WDR72: variants seen among roughly 807,000 people sequenced by gnomAD.
The protein encoded by WDR72 is WD repeat-containing protein 72.
Under a neutral mutation model 124.2 loss-of-function variants are expected in WDR72, and 120 were observed. The ratio of observed to expected loss-of-function variants is 0.97; its 90% CI spans 0.83 to 1.12. The LOEUF (loss-of-function observed/expected upper bound fraction) is 1.12. Among genes scored for constraint, WDR72 ranks in the 50% most tolerant of loss-of-function variants. The pLI, the probability that WDR72 is intolerant of heterozygous loss-of-function variation, is 0.00. For missense variants in WDR72, 1,387 were observed against 1,278.8 expected (o/e 1.08, Z -1.29); for synonymous variants, 452 against 441.7 (o/e 1.02, Z -0.29).
At chr15:53,626,385 G>A (rs563695023) in intron 14 of WDR72, among the ~76,000 whole-genome samples, 29 of 152,296 alleles carry the variant, frequency 1.9e-4, no homozygotes, top group Admixed American at 4.6e-4. Context: ...GAGCAGCAAC[G>A]GGCACCTTGC....
At chr15:53,571,314 GAATTT>G (rs1281274656) in intron 18 of WDR72, among the ~76,000 whole-genome samples, 1 of 150,486 alleles carries the variant, frequency 6.6e-6, no homozygotes, top group African/African-American at 2.5e-5. Context: ...AACATACTTT[GAATTT>G]ATTTCTCTTA....
intron 2 of WDR72, among the ~76,000 whole-genome samples, chr15:53,725,710 T>C (rs1448030039): frequency 2.6e-5 from 4 of 152,134 alleles, no homozygotes; most frequent in East Asian, 1.9e-4. Flanking sequence ...CTGTAAAGGT[T>C]TTATGATTCC....
chr15:53,598,415 A>C (rs1247524075), intron 17 of WDR72, among the ~76,000 whole-genome samples: 2 of 152,082 alleles, frequency 1.3e-5, no homozygotes, highest in Non-Finnish European at 2.9e-5. Flanking sequence ...GGGATATGAG[A>C]CAACACCGAG....
Position 53,712,827 on chromosome 15 carries a change from C to A in WDR72, c.656G>T (p.Arg219Leu), listed in dbSNP as rs1186474436. ...FLESLNCQTI[R>L]FCTYTERLLL... Reference sequence around the variant, plus strand: ...AAGTCTCTCAGTATATGTGCAAAATCGAATTGTCTGGCAGTTCAAGGACTC... The same window carrying A: ...AAGTCTCTCAGTATATGTGCAAAATAGAATTGTCTGGCAGTTCAAGGACTC... The change falls in exon 7 of 20, where the codon CGA (arginine) becomes CTA (leucine). Residue 219 changes from arginine (R) to leucine (L), a missense_variant. Transcript: ENST00000360509. 1 of 1,613,578 alleles carries A rather than the reference C, an allele frequency of 6.2e-7. No individual in the cohort carries two copies. Among genetic ancestry groups the A allele is most frequent in the African/African-American group, 1.3e-5 (1 of 74,870 alleles).
At chr15:53,733,698 T>C (rs2018270043) in intron 1 of WDR72, among the ~76,000 whole-genome samples, 1 of 152,224 alleles carries the variant, frequency 6.6e-6, no homozygotes, top group Non-Finnish European at 1.5e-5. Flanking sequence ...CTATTTTTAA[T>C]AATAATTTTT....
intron 18 of WDR72, among the ~76,000 whole-genome samples, chr15:53,546,751 A>C (rs1893487801): frequency 6.6e-6 from 1 of 152,220 alleles, no homozygotes; most frequent in African/African-American, 2.4e-5. Flanking sequence ...TAACAAATCT[A>C]ATCAAGAAGC....
chr15:53,636,215 A>C (rs1255512361), intron 14 of WDR72, among the ~76,000 whole-genome samples: 1 of 152,212 alleles, frequency 6.6e-6, no homozygotes, highest in Non-Finnish European at 1.5e-5. Context: ...GTCCCAATTA[A>C]GTCTGTTTCA....
At chr15:53,682,669 A>C (rs2016436826) in intron 13 of WDR72, among the ~76,000 whole-genome samples, 1 of 152,280 alleles carries the variant, frequency 6.6e-6, no homozygotes, top group Admixed American at 6.5e-5. Context: ...GGCAGGGGCA[A>C]AATACGGCCA....
At chr15:53,559,603 G>C (rs1446331616) in intron 18 of WDR72, among the ~76,000 whole-genome samples, 1 of 151,968 alleles carries the variant, frequency 6.6e-6, no homozygotes, top group East Asian at 1.9e-4. Context: ...AAACAAGAAG[G>C]TTTTGTGATC....
At chr15:53,605,221 C>T (rs560104762) in intron 17 of WDR72, among the ~76,000 whole-genome samples, 63 of 152,262 alleles carry the variant, frequency 4.1e-4, no homozygotes, top group East Asian at 2.7e-3. Flanking sequence ...CATTATCCTC[C>T]AGTAAACTGA....
At chr15:53,602,131 A>C (rs569522529) in intron 17 of WDR72, among the ~76,000 whole-genome samples, 3 of 152,288 alleles carry the variant, frequency 2.0e-5, no homozygotes, top group African/African-American at 4.8e-5. Flanking sequence ...AAATCATAAC[A>C]AACAGTCACC....
intron 1 of WDR72, among the ~76,000 whole-genome samples, chr15:53,736,809 C>A (rs1462767893): frequency 4.0e-5 from 6 of 151,778 alleles, no homozygotes; most frequent in Non-Finnish European, 7.4e-5. Flanking sequence ...CAGGGTAGCA[C>A]GTTTACAGGA....
At chr15:53,653,446 A>G (rs1567007131) in intron 14 of WDR72, among the ~76,000 whole-genome samples, 3 of 152,186 alleles carry the variant, frequency 2.0e-5, no homozygotes, top group Non-Finnish European at 4.4e-5. Flanking sequence ...TCGAAGTTAG[A>G]CTTGAAGGTA....
intron 14 of WDR72, among the ~76,000 whole-genome samples, chr15:53,657,134 T>A (rs547713467): frequency 6.6e-6 from 1 of 151,488 alleles, no homozygotes; most frequent in Non-Finnish European, 1.5e-5. Flanking sequence ...TGTGGTGGCA[T>A]GCACTTGTAG....
chr15:53,677,323 C>T (rs961944082), intron 13 of WDR72, among the ~76,000 whole-genome samples: 3 of 152,188 alleles, frequency 2.0e-5, no homozygotes, highest in African/African-American at 7.2e-5. Flanking sequence ...ATAACTCCTT[C>T]CCCTTTCTTA....
chr15:53,742,778 C>T (rs2018543396), intron 1 of WDR72, among the ~76,000 whole-genome samples: 1 of 152,090 alleles, frequency 6.6e-6, no homozygotes, highest in African/African-American at 2.4e-5. Flanking sequence ...GTACATTACA[C>T]TTTGTACGTA....
intron 3 of WDR72, among the ~76,000 whole-genome samples, chr15:53,718,754 C>A (rs1595871631): frequency 7.2e-6 from 1 of 138,376 alleles, no homozygotes; most frequent in Non-Finnish European, 1.5e-5. Flanking sequence ...ATTTTTAAAA[C>A]CTTAATAAAT....
At chr15:53,714,380 T>G in intron 6 of WDR72, 54 bp downstream of exon 6, 2 of 1,404,990 alleles carry the variant, frequency 1.4e-6, no homozygotes, top group Non-Finnish European at 2.0e-6. Flanking sequence ...TTTATAAATT[T>G]TAATGAATAT....
intron 10 of WDR72, 88 bp downstream of exon 10, chr15:53,705,839 G>A: frequency 6.6e-7 from 1 of 1,524,362 alleles, no homozygotes; most frequent in Non-Finnish European, 9.1e-7. Context: ...CTTGTTTGTG[G>A]TCCCATGCTG....
Sources: gnomAD v4.1 joint callset for allele counts (sites outside exome capture counted in the v4.1 genomes callset) on GRCh38, gnomAD v4.1.1 for gene constraint, MANE v1.5 for transcripts, NCBI Gene and HGNC (gene_info 2026-07-23, HGNC 2026-07-21) for gene names.